The following NLGN1 variants were observed in gnomAD, a reference collection of about 807,000 sequenced individuals.
NLGN1 encodes neuroligin-1.
A neutral mutation model predicts 65.5 loss-of-function variants in NLGN1; 12 were observed. The observed-to-expected ratio is 0.18, with a 90% CI of 0.12 to 0.30. NLGN1 has a LOEUF of 0.30. Among genes scored for constraint, NLGN1 ranks in the 10% least tolerant of loss-of-function variants. The probability of loss-of-function intolerance (pLI) is 1.00; values close to 1 mark genes in which losing one functional copy is unlikely to be tolerated. For missense variants in NLGN1, 750 were observed against 1,007.1 expected (o/e 0.74, Z 3.46); for synonymous variants, 350 against 359.5 (o/e 0.97, Z 0.30).
At chr3:174,097,357 C>T (rs1745729286) in intron 4 of NLGN1, among the ~76,000 whole-genome samples, 1 of 152,164 alleles carries the variant, frequency 6.6e-6, no homozygotes, top group African/African-American at 2.4e-5. Context: ...GGACTGTCTA[C>T]ACACCAAACA....
intron 2 of NLGN1, among the ~76,000 whole-genome samples, chr3:173,479,833 A>G (rs938979226): frequency 3.9e-5 from 6 of 152,188 alleles, no homozygotes; most frequent in African/African-American, 1.4e-4. Flanking sequence ...GAGAGGGCCT[A>G]AGTGTAAGAG....
intron 3 of NLGN1, among the ~76,000 whole-genome samples, chr3:173,676,872 C>G (rs1763245683): frequency 6.6e-6 from 1 of 152,102 alleles, no homozygotes; most frequent in Non-Finnish European, 1.5e-5. Flanking sequence ...TTGTTTGTGT[C>G]TCTCTTCTTA....
intron 3 of NLGN1, among the ~76,000 whole-genome samples, chr3:173,767,993 CATTTT>C (rs1255679744): frequency 1.3e-5 from 2 of 152,008 alleles, no homozygotes; most frequent in Non-Finnish European, 2.9e-5. Context: ...TTAAATTTTT[CATTTT>C]ATTTTAACAT....
intron 3 of NLGN1, among the ~76,000 whole-genome samples, chr3:173,762,263 G>A (rs900058198): frequency 5.9e-5 from 9 of 152,198 alleles, no homozygotes; most frequent in African/African-American, 1.9e-4. Flanking sequence ...CACACTGAGT[G>A]TGACTTGCCT....
chr3:174,008,381 G>T (rs1288676419), intron 4 of NLGN1, among the ~76,000 whole-genome samples: 1 of 134,680 alleles, frequency 7.4e-6, no homozygotes, highest in Non-Finnish European at 1.5e-5. Flanking sequence ...GAGGAGCTCT[G>T]TATCAATAGG....
intron 3 of NLGN1, among the ~76,000 whole-genome samples, chr3:173,752,886 A>T (rs1305144773): frequency 6.6e-6 from 1 of 152,054 alleles, no homozygotes; most frequent in Non-Finnish European, 1.5e-5. Flanking sequence ...ATTCAGTGAA[A>T]ACATAGAAGC....
exon 7 of NLGN1, chr3:174,284,624 G>A (rs1306351553): frequency 6.6e-6 from 1 of 151,262 alleles, no homozygotes; most frequent in Non-Finnish European, 1.5e-5. Context: ...TTTAGAGTAT[G>A]AGGATAGAAA....
chr3:174,110,964 C>T (rs964830517), intron 4 of NLGN1, among the ~76,000 whole-genome samples: 2 of 151,716 alleles, frequency 1.3e-5, no homozygotes, highest in Admixed American at 6.6e-5. Flanking sequence ...TCAGAAACAC[C>T]CAAAGTAAGT....
intron 3 of NLGN1, among the ~76,000 whole-genome samples, chr3:173,630,825 C>A (rs1755573508): frequency 6.6e-6 from 1 of 152,032 alleles, no homozygotes; most frequent in South Asian, 2.1e-4. Context: ...TGATTTGGTA[C>A]CCCAATTAAC....
At chr3:173,940,079 G>GTTTTTTTTT (rs1745752029) in intron 4 of NLGN1, among the ~76,000 whole-genome samples, 1 of 90,074 alleles carries the variant, frequency 1.1e-5, no homozygotes, top group African/African-American at 4.9e-5. Flanking sequence ...AATAGTTATA[G>GTTTTTTTTT]CTTTTTTTTT....
At chr3:174,245,086 G>A (rs1743554857) in intron 4 of NLGN1, among the ~76,000 whole-genome samples, 1 of 152,096 alleles carries the variant, frequency 6.6e-6, no homozygotes, top group African/African-American at 2.4e-5. Context: ...AGCCAAAAGA[G>A]CATCTGTGCA....
intron 3 of NLGN1, among the ~76,000 whole-genome samples, chr3:173,685,410 G>A (rs1365656278): frequency 6.6e-6 from 1 of 152,114 alleles, no homozygotes; most frequent in African/African-American, 2.4e-5. Context: ...TGTTTTAAAT[G>A]CATCAATAAT....
intron 4 of NLGN1, among the ~76,000 whole-genome samples, chr3:173,970,986 G>A (rs985819067): frequency 6.6e-6 from 1 of 152,090 alleles, no homozygotes; most frequent in Non-Finnish European, 1.5e-5. Context: ...GAAATCCAAT[G>A]GAATCCATAC....
chr3:173,482,420 C>T lies in NLGN1; in HGVS notation c.-321+47342C>T, dbSNP rs1727447963. Among the ~76,000 whole-genome samples the T allele has an allele frequency of 2.0e-5, 3 of 151,884 alleles. No homozygotes were observed. In the South Asian group the frequency reaches 6.2e-4, roughly 31 times the overall value. On this transcript the variant is annotated intron_variant, in intron 2 of 6. Transcript: ENST00000457714. ...TGATCTCTTCAGGTTTTGGTACTCT[C>T]AAATTCCTACCTTCACTCCCAGCCC...
chr3:173,807,925 A>G, intron 4 of NLGN1, 93 bp downstream of exon 4: 1 of 1,332,934 alleles, frequency 7.5e-7, no homozygotes, highest in Non-Finnish European at 1.1e-6. Flanking sequence ...GCTTTGTTTC[A>G]CCCATTTTTT....
At chr3:173,433,783 T>C (rs1028263319) in intron 1 of NLGN1, among the ~76,000 whole-genome samples, 5 of 152,188 alleles carry the variant, frequency 3.3e-5, no homozygotes, top group Admixed American at 3.3e-4. Flanking sequence ...CATCACTTTA[T>C]GCGTAATGGA....
intron 4 of NLGN1, among the ~76,000 whole-genome samples, chr3:174,028,954 A>G (rs561874089): frequency 2.6e-5 from 4 of 152,244 alleles, no homozygotes; most frequent in African/African-American, 9.6e-5. Context: ...AGGGGCCAAC[A>G]TAGAGCTCAG....
chr3:173,581,700 AT>A (rs1490472026), intron 2 of NLGN1, among the ~76,000 whole-genome samples: 3 of 151,960 alleles, frequency 2.0e-5, no homozygotes, highest in East Asian at 1.9e-4. Context: ...TTTTAAAAAA[AT>A]CTCCATATAA....
intron 4 of NLGN1, among the ~76,000 whole-genome samples, chr3:174,249,484 C>T (rs924037681): frequency 1.3e-5 from 2 of 152,210 alleles, no homozygotes; most frequent in African/African-American, 4.8e-5. Flanking sequence ...TCAGTCTCTT[C>T]ACATTGCATG....
Sources: gnomAD v4.1 joint callset for allele counts (sites outside exome capture counted in the v4.1 genomes callset) on GRCh38, gnomAD v4.1.1 for gene constraint, MANE v1.5 for transcripts, NCBI Gene and HGNC (gene_info 2026-07-23, HGNC 2026-07-21) for gene names.